ZNF423: variants seen among roughly 807,000 people sequenced by gnomAD.
ZNF423 encodes zinc finger protein 423, also known as Ebf-associated zinc finger protein.
Under a neutral mutation model 95.8 loss-of-function variants are expected in ZNF423, and 12 were observed. That is an observed-to-expected ratio of 0.13 (90% CI 0.08 to 0.20). ZNF423 has a LOEUF of 0.20. Ranked by LOEUF, ZNF423 falls within the 10% of genes least tolerant of loss-of-function variation. The pLI is 1.00. For missense variants in ZNF423, 1,316 were observed against 1,737.1 expected (o/e 0.76, Z 4.31); for synonymous variants, 749 against 711.9 (o/e 1.05, Z -0.83).
At chr16:49,846,428 G>A (rs2035247034) in intron 1 of ZNF423, among the ~76,000 whole-genome samples, 1 of 152,082 alleles carries the variant, frequency 6.6e-6, no homozygotes, top group Admixed American at 6.5e-5. Flanking sequence ...AAGTGTAAAT[G>A]AAGTGAGCTC....
chr16:49,712,147 C>T (rs1331384814), intron 3 of ZNF423, among the ~76,000 whole-genome samples: 1 of 152,090 alleles, frequency 6.6e-6, no homozygotes, highest in Non-Finnish European at 1.5e-5. Context: ...ATAAAGAATA[C>T]ATTTATGTAT....
chr16:49,822,335 G>A (rs527288507), intron 1 of ZNF423, among the ~76,000 whole-genome samples: 2 of 152,112 alleles, frequency 1.3e-5, no homozygotes, highest in South Asian at 4.2e-4. Context: ...CACCACGCCT[G>A]GCTAATTTTT....
intron 2 of ZNF423, among the ~76,000 whole-genome samples, chr16:49,752,242 C>T (rs866041812): frequency 2.0e-5 from 3 of 152,238 alleles, no homozygotes; most frequent in Non-Finnish European, 4.4e-5. Context: ...CTTCCATGGC[C>T]CCCAGGCAAG....
intron 5 of ZNF423, among the ~76,000 whole-genome samples, chr16:49,588,112 C>T (rs1388871260): frequency 1.3e-5 from 2 of 152,194 alleles, no homozygotes; most frequent in Admixed American, 6.5e-5. Context: ...ATGGAGCTGG[C>T]AGAAACAGAC....
intron 5 of ZNF423, among the ~76,000 whole-genome samples, chr16:49,535,315 C>G (rs1969021775): frequency 1.3e-5 from 2 of 152,224 alleles, no homozygotes; most frequent in Non-Finnish European, 2.9e-5. Context: ...ACAGAGGGTC[C>G]TGCTTGCTAA....
chr16:49,681,050 T>G (rs1348357789), intron 3 of ZNF423, among the ~76,000 whole-genome samples: 1 of 152,152 alleles, frequency 6.6e-6, no homozygotes, highest in Non-Finnish European at 1.5e-5. Flanking sequence ...TCTGCACACC[T>G]TAGAGTTGGA....
At chr16:49,829,248 C>A (rs535169269) in intron 1 of ZNF423, among the ~76,000 whole-genome samples, 2 of 152,206 alleles carry the variant, frequency 1.3e-5, no homozygotes, top group Non-Finnish European at 2.9e-5. Flanking sequence ...TACAATCTGG[C>A]ATTGGCAATC....
At chr16:49,841,334 A>G (rs1373597047) in intron 1 of ZNF423, among the ~76,000 whole-genome samples, 2 of 152,238 alleles carry the variant, frequency 1.3e-5, no homozygotes, top group East Asian at 1.9e-4. Context: ...TTGGACACCT[A>G]GCTTGCCCTC....
chr16:49,491,837 A>T (rs1966985522), intron 7 of ZNF423, among the ~76,000 whole-genome samples: 1 of 152,186 alleles, frequency 6.6e-6, no homozygotes, highest in Non-Finnish European at 1.5e-5. Flanking sequence ...GTGCTGAGGC[A>T]GTGGGCGGCC....
intron 5 of ZNF423, among the ~76,000 whole-genome samples, chr16:49,623,970 T>A (rs907691339): frequency 6.6e-6 from 1 of 152,212 alleles, no homozygotes; most frequent in African/African-American, 2.4e-5. Context: ...CCTTGATGGC[T>A]GTACAAATTT....
intron 2 of ZNF423, among the ~76,000 whole-genome samples, chr16:49,741,702 C>A (rs1190705263): frequency 1.3e-5 from 2 of 152,240 alleles, no homozygotes; most frequent in African/African-American, 4.8e-5. Context: ...CCCTCAGAGC[C>A]CCTAGAGCAC....
chr16:49,584,675 G>A (rs779896528), intron 5 of ZNF423, among the ~76,000 whole-genome samples: 6 of 152,134 alleles, frequency 3.9e-5, no homozygotes, highest in Non-Finnish European at 7.4e-5. Flanking sequence ...CCCTCGCTGT[G>A]TCCTCCCATG....
intron 5 of ZNF423, among the ~76,000 whole-genome samples, chr16:49,540,573 G>A (rs545264489): frequency 2.0e-5 from 3 of 152,148 alleles, no homozygotes; most frequent in Admixed American, 6.5e-5. Flanking sequence ...GAGCCAATGC[G>A]CCTGGCCCAC....
chr16:49,706,122 C>A (rs907775417), intron 3 of ZNF423, among the ~76,000 whole-genome samples: 1 of 152,014 alleles, frequency 6.6e-6, no homozygotes, highest in African/African-American at 2.4e-5. Context: ...GGTAAGATAG[C>A]CTGGAAAATA....
intron 2 of ZNF423, among the ~76,000 whole-genome samples, chr16:49,774,110 A>G (rs988627032): frequency 6.6e-5 from 10 of 152,176 alleles, no homozygotes; most frequent in African/African-American, 2.2e-4. Context: ...AGTCCTACGC[A>G]GCTCTTTCCC....
intron 5 of ZNF423, among the ~76,000 whole-genome samples, chr16:49,543,770 A>T (rs1969342569): frequency 6.6e-6 from 1 of 152,152 alleles, no homozygotes; most frequent in African/African-American, 2.4e-5. Context: ...ACCAGTGGGA[A>T]CTCAGGCACA....
chr16:49,710,447 A>T (rs2032507106), intron 3 of ZNF423, among the ~76,000 whole-genome samples: 1 of 152,172 alleles, frequency 6.6e-6, no homozygotes, highest in Non-Finnish European at 1.5e-5. Context: ...ATTCCAAGTG[A>T]TCATAAGGAC....
chr16:49,621,988 G>T (rs1184016316), intron 5 of ZNF423, among the ~76,000 whole-genome samples: 5 of 152,102 alleles, frequency 3.3e-5, no homozygotes, highest in African/African-American at 1.2e-4. Flanking sequence ...TCTTCCTAAG[G>T]CTCAGGCCAG....
intron 3 of ZNF423, among the ~76,000 whole-genome samples, chr16:49,718,468 C>T (rs1371471927): frequency 6.6e-6 from 1 of 152,180 alleles, no homozygotes; most frequent in Non-Finnish European, 1.5e-5. Flanking sequence ...CTAAGGAACA[C>T]ACTTCTCTTT....
Sources: gnomAD v4.1 joint callset for allele counts (sites outside exome capture counted in the v4.1 genomes callset) on GRCh38, gnomAD v4.1.1 for gene constraint, MANE v1.5 for transcripts, NCBI Gene and HGNC (gene_info 2026-07-23, HGNC 2026-07-21) for gene names.